NECTIN1: variants seen among roughly 807,000 people sequenced by gnomAD.
NECTIN1 encodes nectin cell adhesion molecule 1.
NECTIN1 carries 23 observed loss-of-function variants against 48.0 expected under a neutral mutation model. The observed-to-expected ratio is 0.48, with a 90% CI of 0.34 to 0.68. NECTIN1 has a LOEUF of 0.68. Among genes scored for constraint, NECTIN1 ranks in the 30% least tolerant of loss-of-function variants. The probability of loss-of-function intolerance (pLI) is 0.01; values close to 1 mark genes in which losing one functional copy is unlikely to be tolerated. For synonymous variants in NECTIN1, 270 were observed against 288.9 expected (o/e 0.93, Z 0.66); for missense variants, 591 against 709.9 (o/e 0.83, Z 1.90).
At chr11:119,715,633 G>C (rs1865731092) in intron 1 of NECTIN1, among the ~76,000 whole-genome samples, 1 of 152,160 alleles carries the variant, frequency 6.6e-6, no homozygotes, top group East Asian at 1.9e-4. Flanking sequence ...TAGGACTATA[G>C]GTATGAGCCA....
intron 1 of NECTIN1, among the ~76,000 whole-genome samples, chr11:119,722,720 TG>T (rs1194966182): frequency 6.6e-6 from 1 of 152,202 alleles, no homozygotes; most frequent in Admixed American, 6.5e-5. Context: ...AGCACCTGGC[TG>T]GGGACACGGG....
At position 119,684,166 on chromosome 11, in the gene NECTIN1, C is replaced by A. The variant is rs1225794877; in HGVS notation, c.80-5401G>T. On this transcript the variant is annotated intron_variant, in intron 1 of 5. Coordinates refer to ENST00000264025, the MANE Select transcript of NECTIN1 (RefSeq NM_002855.5). The surrounding 1 kb of genome is among the most constrained non-coding windows in gnomAD (Gnocchi z 5.2). ...TTAACCCCCAGACCCCTCTTCCTAG[C>A]CAAGCAGGCTGGAACTGGGCTCAGG... Among the ~76,000 whole-genome samples, 1 of 152,238 alleles carries A rather than the reference C, an allele frequency of 6.6e-6. No homozygotes were observed. The highest frequency in any genetic ancestry group is 6.5e-5 in the Admixed American group (1 of 15,294).
At chr11:119,686,331 C>T (rs74576960) in intron 1 of NECTIN1, among the ~76,000 whole-genome samples, 2 of 152,124 alleles carry the variant, frequency 1.3e-5, no homozygotes, top group Non-Finnish European at 2.9e-5. Flanking sequence ...TCCTTTGAAC[C>T]TTAGCACCTG....
intron 5 of NECTIN1, among the ~76,000 whole-genome samples, chr11:119,669,941 A>G (rs551914465): frequency 1.3e-5 from 2 of 151,194 alleles, no homozygotes; most frequent in South Asian, 4.2e-4. Context: ...TTCCTCCTCA[A>G]TATCACCTTC....
rs1049436761 is a variant in NECTIN1 at position 119,683,382 on chromosome 11, C to T, written c.80-4617G>A. On this transcript the variant is annotated intron_variant, in intron 1 of 5. Transcript: ENST00000264025. This position sits in a 1 kb window ranked among gnomAD's most constrained non-coding sequence, Gnocchi z 4.0. ...TCCCACCCTGCCACAAAAACAGACT[C>T]TGGCTCAACCTAACTCCCTGGGGCC... Among the ~76,000 whole-genome samples, 1 of 152,210 alleles carries T rather than the reference C, an allele frequency of 6.6e-6. No homozygotes were observed. The highest frequency in any genetic ancestry group is 1.5e-5 in the Non-Finnish European group (1 of 68,036).
exon 8 of NECTIN1, chr11:119,638,103 G>T (rs1864263547): frequency 6.2e-7 from 1 of 1,612,186 alleles, no homozygotes; most frequent in Non-Finnish European, 8.5e-7. Context: ...CTGGGCTAGG[G>T]GCACTCTCCT....
intron 1 of NECTIN1, among the ~76,000 whole-genome samples, chr11:119,712,410 G>C (rs1865667783): frequency 2.7e-5 from 4 of 149,070 alleles, no homozygotes; most frequent in African/African-American, 9.7e-5. Context: ...GTAAATCTCT[G>C]GGGGCTTTGT....
rs1334960494 is a variant in NECTIN1 at position 119,677,443 on chromosome 11, GA to G, written c.733+111del. On this transcript the variant is annotated intron_variant, in intron 3 of 5. Coordinates refer to ENST00000264025, the MANE Select transcript of NECTIN1 (RefSeq NM_002855.5). This position sits in a 1 kb window ranked among gnomAD's most constrained non-coding sequence, Gnocchi z 5.4. ...CAAAGGGAGGAGATAGGGGAGACAG[GA>G]GGGGAGAAGAAAGCACCCCCAGAAA... The G allele has an allele frequency of 1.1e-5, 14 of 1,241,190 alleles. No homozygotes were observed. The East Asian group carries it at 3.3e-4, about 29-fold the overall frequency. The allele number at this position is 1,241,190 out of a possible 1,614,324, so 76.9% of individuals were successfully genotyped here.
At position 119,728,927 on chromosome 11, in the gene NECTIN1, G is replaced by A; in HGVS notation, c.-374C>T. The stretch of plus-strand genomic sequence containing the variant: ...TTGCGCGGCGCGGGCTCCTGGCCCC[G>A]GCCCGCTCACACCCTCCCGCTCGGC... On this transcript the variant is annotated 5_prime_UTR_variant, in exon 1 of 6. Coordinates refer to ENST00000264025, the MANE Select transcript of NECTIN1 (RefSeq NM_002855.5). The A allele has an allele frequency of 5.4e-6, 1 of 184,506 alleles. No homozygotes were observed. The highest frequency in any genetic ancestry group is 1.1e-5 in the Non-Finnish European group (1 of 89,738). 11.4% of individuals were successfully genotyped at this position (184,506 alleles called of 1,614,324 possible). A position where few individuals can be genotyped will look rare whatever the true frequency, so the allele number is the denominator to read the frequency against.
At chr11:119,656,802 C>T (rs531656856), downstream of NECTIN1, among the ~76,000 whole-genome samples, 125 of 152,330 alleles carry the variant, frequency 8.2e-4, no homozygotes, top group African/African-American at 2.9e-3. Flanking sequence ...ATCTGCCTAA[C>T]GGGGATATAG....
chr11:119,663,036 T>TG lies in NECTIN1; in HGVS notation c.*1710dup, dbSNP rs1864695331. On this transcript the variant is annotated 3_prime_UTR_variant, in exon 6 of 6. Coordinates refer to ENST00000264025, the MANE Select transcript of NECTIN1 (RefSeq NM_002855.5). ...GCACCAGGGAGGGGAGGGGAGGGGT[T>TG]GGGGGGCTCCCTTAGGAAGCCTATG... 9.1e-6 allele frequency: 3 copies of TG among 330,462 alleles called. No individual in the cohort carries two copies. The highest frequency in any genetic ancestry group is 3.6e-5 in the African/African-American group (1 of 27,998). 20.5% of individuals were successfully genotyped at this position (330,462 alleles called of 1,614,324 possible). A position where few individuals can be genotyped will look rare whatever the true frequency, so the allele number is the denominator to read the frequency against.
chr11:119,688,501 C>T (rs193270842), intron 1 of NECTIN1, among the ~76,000 whole-genome samples: 149 of 152,254 alleles, frequency 9.8e-4, no homozygotes, highest in Middle Eastern at 3.4e-3. Flanking sequence ...AGCAAGATCC[C>T]TGGCCTCTAC....
At position 119,677,002 on chromosome 11, in the gene NECTIN1, T is replaced by G. The variant is rs554671944; in HGVS notation, c.851+100A>C. ...TTACTGAGCCCAGACCCTAATTTCT[T>G]CCCTGCCTAAAGGCTCCTGGAGGTA... On this transcript the variant is annotated intron_variant, in intron 4 of 5. Coordinates refer to ENST00000264025, the MANE Select transcript of NECTIN1 (RefSeq NM_002855.5). The surrounding 1 kb of genome is among the most constrained non-coding windows in gnomAD (Gnocchi z 5.4). 1.1e-3 allele frequency: 1,121 copies of G among 1,034,044 alleles called. 10 individuals carry two copies. The African/African-American group carries it at 0.015, about 14-fold the overall frequency. 64.1% of individuals were successfully genotyped at this position (1,034,044 alleles called of 1,614,324 possible).
chr11:119,686,284 C>T (rs1440977152), intron 1 of NECTIN1, among the ~76,000 whole-genome samples: 1 of 152,206 alleles, frequency 6.6e-6, no homozygotes, highest in Non-Finnish European at 1.5e-5. Flanking sequence ...TTCTTATTTT[C>T]TCAATATTCC....
At position 119,661,249 on chromosome 11, in the gene NECTIN1, C is replaced by G. The variant is rs1224861113; in HGVS notation, c.*3498G>C. The G allele has an allele frequency of 2.0e-6, 2 of 985,702 alleles. No individual in the cohort carries two copies. Among genetic ancestry groups the G allele is most frequent in the Non-Finnish European group, 2.4e-6 (2 of 829,948 alleles). The allele number at this position is 985,702 out of a possible 1,614,324, so 61.1% of individuals were successfully genotyped here. ...TTTCATTTATACAAAAAAGGAAAAC[C>G]AATTTTTTCGACCAAGAATCCCATT... is the stretch of plus-strand genomic sequence containing the variant. On this transcript the variant is annotated 3_prime_UTR_variant, in exon 6 of 6. Coordinates refer to ENST00000264025, the MANE Select transcript of NECTIN1 (RefSeq NM_002855.5).
chr11:119,668,910 G>T (rs950636314), intron 5 of NECTIN1, among the ~76,000 whole-genome samples: 4 of 152,212 alleles, frequency 2.6e-5, no homozygotes, highest in African/African-American at 9.6e-5. Context: ...TCATTTCAGT[G>T]TGTTGCAGTA....
chr11:119,713,869 TG>T (rs1383027910), intron 1 of NECTIN1: 1 of 455,872 alleles, frequency 2.2e-6, no homozygotes, highest in Non-Finnish European at 4.4e-6. Flanking sequence ...GGCCCGGCGT[TG>T]CTTGCCAGTG....
intron 5 of NECTIN1, among the ~76,000 whole-genome samples, chr11:119,647,592 T>C (rs779721486): frequency 2.6e-5 from 4 of 152,066 alleles, no homozygotes; most frequent in Non-Finnish European, 5.9e-5. Flanking sequence ...TTCCCTCTCC[T>C]AGCTCCTAAC....
downstream of NECTIN1, among the ~76,000 whole-genome samples, chr11:119,660,639 C>G (rs1424235204): frequency 1.3e-5 from 2 of 152,084 alleles, no homozygotes; most frequent in Admixed American, 6.5e-5. Flanking sequence ...AGGAGGCACC[C>G]GTACCCCTAG....
Sources: allele counts gnomAD v4.1 joint callset (sites outside exome capture counted in the v4.1 genomes callset), GRCh38; gene constraint gnomAD v4.1.1; non-coding constraint Gnocchi (gnomAD v3.1); transcripts MANE v1.5; gene names NCBI Gene and HGNC (gene_info 2026-07-23, HGNC 2026-07-21).